SYT2: variants seen among roughly 807,000 people sequenced by gnomAD.
SYT2 encodes synaptotagmin-2.
SYT2 carries 15 observed loss-of-function variants against 39.9 expected under a neutral mutation model. That is an observed-to-expected ratio of 0.38 (90% CI 0.25 to 0.58). The LOEUF is 0.58. Ranked by LOEUF, SYT2 falls within the 20% of genes least tolerant of loss-of-function variation. The pLI is 0.70. For missense variants in SYT2, 389 were observed against 530.3 expected (o/e 0.73, Z 2.62); for synonymous variants, 181 against 204.5 (o/e 0.89, Z 0.98).
At chr1:202,625,630 G>T (rs1691380379) in intron 1 of SYT2, among the ~76,000 whole-genome samples, 1 of 151,952 alleles carries the variant, frequency 6.6e-6, no homozygotes. Context: ...GGAGGCTGCC[G>T]CCTGCCTCCA....
intron 1 of SYT2, among the ~76,000 whole-genome samples, chr1:202,674,812 GC>G (rs1283236022): frequency 6.6e-6 from 1 of 151,968 alleles, no homozygotes; most frequent in Non-Finnish European, 1.5e-5. Flanking sequence ...GGTCACACTG[GC>G]CTCCCACATG....
chr1:202,637,641 G>T (rs1424201437), intron 1 of SYT2, among the ~76,000 whole-genome samples: 1 of 146,384 alleles, frequency 6.8e-6, no homozygotes, highest in Non-Finnish European at 1.5e-5. Flanking sequence ...CAGCAGCTTT[G>T]AGAGACTCTC....
chr1:202,685,612 G>A (rs1653643634), intron 1 of SYT2, among the ~76,000 whole-genome samples: 1 of 152,112 alleles, frequency 6.6e-6, no homozygotes, highest in African/African-American at 2.4e-5. Flanking sequence ...GCTTGGGCGG[G>A]GTGGAAAAGA....
At chr1:202,665,976 A>ACC in intron 1 of SYT2, among the ~76,000 whole-genome samples, 2 of 151,936 alleles carry the variant, frequency 1.3e-5, no homozygotes, top group South Asian at 4.2e-4. Flanking sequence ...ACATGGTGAA[A>ACC]CCCCGTCTCT....
chr1:202,596,754 T>C lies in SYT2; in HGVS notation c.*3A>G, dbSNP rs972806350. 1 of 1,612,400 alleles carries C rather than the reference T, an allele frequency of 6.2e-7. No homozygotes were observed. Among genetic ancestry groups the C allele is most frequent in the Non-Finnish European group, 8.5e-7 (1 of 1,178,656 alleles). On this transcript the variant is annotated 3_prime_UTR_variant, in exon 9 of 9. Transcript: ENST00000367268. The stretch of plus-strand genomic sequence containing the variant: ...AAAGGTGTGGGGTCCCAGCCGCTGC[T>C]GTCTACTTGTTCTTGCCCAGGAGTG...
Position 202,602,391 on chromosome 1 carries a change from G to A in SYT2, c.620C>T (p.Thr207Ile). Residue 207 changes from threonine to isoleucine, a missense_variant, in exon 5 of 9, where the codon ACC (threonine) becomes ATC (isoleucine). Thr to Ile is a moderately conservative substitution (Grantham distance 89). Transcript: ENST00000367268. ...RKTLNPAFNE[T>I]FTFKVPYQEL... ...AGCCCTCAGCACCTTGAAGGTGAAG[G>A]TTTCATTGAAGGCAGGGTTCAGTGT... The A allele has an allele frequency of 6.2e-7, 1 of 1,613,992 alleles. No homozygotes were observed. The highest frequency in any genetic ancestry group is 8.5e-7 in the Non-Finnish European group (1 of 1,179,884).
intron 1 of SYT2, among the ~76,000 whole-genome samples, chr1:202,633,232 A>G (rs1691644998): frequency 6.6e-6 from 1 of 152,118 alleles, no homozygotes; most frequent in Non-Finnish European, 1.5e-5. Context: ...CTGGGCACCC[A>G]CTGGGTGCCC....
intron 1 of SYT2, among the ~76,000 whole-genome samples, chr1:202,606,204 C>G (rs1690702636): frequency 6.6e-6 from 1 of 152,114 alleles, no homozygotes; most frequent in Non-Finnish European, 1.5e-5. Flanking sequence ...TTTATTGGTT[C>G]CATTTAACAG....
chr1:202,691,772 A>G (rs1312077942), intron 1 of SYT2, among the ~76,000 whole-genome samples: 1 of 138,078 alleles, frequency 7.2e-6, no homozygotes, highest in Non-Finnish European at 1.6e-5. Context: ...AGAGAGAGAG[A>G]GAGAGAGAGA....
intron 1 of SYT2, among the ~76,000 whole-genome samples, chr1:202,657,783 G>C (rs1262677317): frequency 6.6e-6 from 1 of 152,134 alleles, no homozygotes; most frequent in Non-Finnish European, 1.5e-5. Flanking sequence ...GTGGGTAGAG[G>C]GCTCCTGGAG....
At chr1:202,701,261 C>A (rs1654114395) in intron 1 of SYT2, among the ~76,000 whole-genome samples, 1 of 152,134 alleles carries the variant, frequency 6.6e-6, no homozygotes, top group African/African-American at 2.4e-5. Flanking sequence ...TGCTCAACAC[C>A]CAAGTCTGAA....
At chr1:202,658,675 GTTTT>G (rs35321422) in intron 1 of SYT2, among the ~76,000 whole-genome samples, 1 of 146,674 alleles carries the variant, frequency 6.8e-6, no homozygotes, top group Non-Finnish European at 1.5e-5. Flanking sequence ...TTTTTTATTA[GTTTT>G]TTTTTTTTTC....
intron 1 of SYT2, among the ~76,000 whole-genome samples, chr1:202,695,656 G>GA (rs1558464812): frequency 6.6e-6 from 1 of 151,978 alleles, no homozygotes. Flanking sequence ...AGGGGACCTG[G>GA]CATCTTCCTC....
chr1:202,676,565 G>A (rs1044414277), intron 1 of SYT2, among the ~76,000 whole-genome samples: 37 of 152,212 alleles, frequency 2.4e-4, no homozygotes, highest in Non-Finnish European at 4.3e-4. Flanking sequence ...TCAGACAACC[G>A]GCTCAGCTTT....
chr1:202,647,942 G>T (rs1354177777), intron 1 of SYT2, among the ~76,000 whole-genome samples: 1 of 152,174 alleles, frequency 6.6e-6, no homozygotes, highest in Non-Finnish European at 1.5e-5. Context: ...CATTAGCATG[G>T]ATACCACGAT....
chr1:202,659,021 C>G (rs1235904951), intron 1 of SYT2, among the ~76,000 whole-genome samples: 1 of 152,200 alleles, frequency 6.6e-6, no homozygotes, highest in Non-Finnish European at 1.5e-5. Context: ...CCTTTAGACT[C>G]AAGAAAATCT....
At chr1:202,666,250 CAATT>C (rs1306934837) in intron 1 of SYT2, among the ~76,000 whole-genome samples, 2 of 151,570 alleles carry the variant, frequency 1.3e-5, no homozygotes, top group African/African-American at 4.9e-5. Context: ...TGATGCCAAA[CAATT>C]AATTTCACTT....
At chr1:202,706,125 A>G (rs934587658) in intron 1 of SYT2, among the ~76,000 whole-genome samples, 7 of 152,070 alleles carry the variant, frequency 4.6e-5, no homozygotes, top group African/African-American at 1.7e-4. Flanking sequence ...AAATTTACCC[A>G]TCACTCTGGC....
chr1:202,644,900 G>T (rs1692047292), intron 1 of SYT2, among the ~76,000 whole-genome samples: 1 of 152,204 alleles, frequency 6.6e-6, no homozygotes, highest in African/African-American at 2.4e-5. Context: ...AAGTGCTGCA[G>T]CACCCGCTGC....
Sources: allele counts gnomAD v4.1 joint callset (sites outside exome capture counted in the v4.1 genomes callset), GRCh38; gene constraint gnomAD v4.1.1; transcripts MANE v1.5; gene names NCBI Gene and HGNC (gene_info 2026-07-23, HGNC 2026-07-21).